The following ANGPT1 variants were observed in gnomAD, a reference collection of about 807,000 sequenced individuals.
The protein encoded by ANGPT1 is angiopoietin 1.
ANGPT1 carries 17 observed loss-of-function variants against 62.2 expected under a neutral mutation model. That is an observed-to-expected ratio of 0.27 (90% confidence interval 0.19 to 0.41). The LOEUF is 0.41. Ranked by LOEUF, ANGPT1 falls within the 10% of genes least tolerant of loss-of-function variation. The pLI is 1.00. For missense variants in ANGPT1, 478 were observed against 594.9 expected (o/e 0.80, Z 2.04); for synonymous variants, 199 against 198.9 (o/e 1.00, Z 0.00).
At chr8:107,299,422 A>ATATATATATATAT (rs1281291162) in intron 5 of ANGPT1, among the ~76,000 whole-genome samples, 1 of 116,148 alleles carries the variant, frequency 8.6e-6, no homozygotes. Flanking sequence ...TATATATATA[A>ATATATATATATAT]ACATACATAT....
intron 7 of ANGPT1, among the ~76,000 whole-genome samples, chr8:107,280,292 C>T (rs1053330174): frequency 2.0e-5 from 3 of 151,986 alleles, no homozygotes; most frequent in East Asian, 3.9e-4. Flanking sequence ...CCTCCACCTC[C>T]GGGGTTCAAG....
chr8:107,371,170 A>G (rs986834851), intron 1 of ANGPT1, among the ~76,000 whole-genome samples: 2 of 152,300 alleles, frequency 1.3e-5, no homozygotes, highest in Non-Finnish European at 1.5e-5. Context: ...AGGCTGGAAA[A>G]GGAAAAGGAA....
chr8:107,484,751 A>G (rs1458753271), intron 1 of ANGPT1, among the ~76,000 whole-genome samples: 1 of 152,200 alleles, frequency 6.6e-6, no homozygotes, highest in Non-Finnish European at 1.5e-5. Flanking sequence ...TCCAGTATCT[A>G]TTGCTCTCTT....
At chr8:107,345,623 G>A (rs1416045844) in intron 2 of ANGPT1, among the ~76,000 whole-genome samples, 1 of 152,166 alleles carries the variant, frequency 6.6e-6, no homozygotes, top group Admixed American at 6.5e-5. Context: ...AGAGTATTTT[G>A]TAGGAGAGGG....
chr8:107,353,687 C>A (rs1027771384), intron 1 of ANGPT1, among the ~76,000 whole-genome samples: 1 of 152,216 alleles, frequency 6.6e-6, no homozygotes, highest in Admixed American at 6.5e-5. Context: ...AGGCTTATCA[C>A]CCCCTGTGTC....
chr8:107,370,928 T>C (rs926903226), intron 1 of ANGPT1, among the ~76,000 whole-genome samples: 1 of 150,662 alleles, frequency 6.6e-6, no homozygotes, highest in Non-Finnish European at 1.5e-5. Flanking sequence ...ATGGTGTCAA[T>C]AGACTTGCTC....
intron 6 of ANGPT1, among the ~76,000 whole-genome samples, chr8:107,293,098 TTAAAA>T: frequency 6.6e-6 from 1 of 152,278 alleles, no homozygotes; most frequent in South Asian, 2.1e-4. Context: ...CTGTTTCCTT[TTAAAA>T]TGGGCATAGT....
intron 2 of ANGPT1, among the ~76,000 whole-genome samples, chr8:107,338,876 C>A (rs1815632996): frequency 6.6e-6 from 1 of 152,124 alleles, no homozygotes; most frequent in Non-Finnish European, 1.5e-5. Context: ...CAAAGCTTGG[C>A]ACAGAGACAA....
chr8:107,447,722 A>G (rs924290793), intron 1 of ANGPT1, among the ~76,000 whole-genome samples: 1 of 152,192 alleles, frequency 6.6e-6, no homozygotes, highest in Non-Finnish European at 1.5e-5. Flanking sequence ...TGGCTTTCCA[A>G]TGAGGCTCCT....
At chr8:107,411,143 T>C (rs1485523788) in intron 1 of ANGPT1, among the ~76,000 whole-genome samples, 1 of 152,110 alleles carries the variant, frequency 6.6e-6, no homozygotes. Context: ...GCTATTTTTG[T>C]TTTTGTCCAA....
chr8:107,420,072 C>A (rs1217817338), intron 1 of ANGPT1, among the ~76,000 whole-genome samples: 1 of 152,134 alleles, frequency 6.6e-6, no homozygotes, highest in Non-Finnish European at 1.5e-5. Flanking sequence ...TACCATGAAG[C>A]TTTTACAGAA....
At chr8:107,467,552 A>T (rs1164614629) in intron 1 of ANGPT1, among the ~76,000 whole-genome samples, 6 of 152,098 alleles carry the variant, frequency 3.9e-5, no homozygotes, top group African/African-American at 1.4e-4. Flanking sequence ...CAGTGGTATG[A>T]TAAAGCTACT....
In ANGPT1 at chr8:107,346,899, A is replaced by G. The variant is rs372578603; in HGVS notation, c.453+43T>C. ...ATGGAGAAAGCTAAAGAAAAAAAAA[A>G]TTTTTCCTTGTTGAGTCTGTGGACT... On this transcript the variant is annotated intron_variant, in intron 2 of 8. Coordinates refer to ENST00000517746, the MANE Select transcript of ANGPT1 (RefSeq NM_001146.5). 1.8e-4 allele frequency: 276 copies of G among 1,534,340 alleles called. No individual in the cohort carries two copies. The African/African-American group carries it at 3.3e-3, about 18-fold the overall frequency.
At chr8:107,324,221 G>A (rs1329491637) in intron 3 of ANGPT1, among the ~76,000 whole-genome samples, 4 of 122,510 alleles carry the variant, frequency 3.3e-5, no homozygotes, top group Non-Finnish European at 6.7e-5. Context: ...ATATATGTGT[G>A]TGTGTGTGTG....
chr8:107,269,696 T>A (rs888483212), intron 7 of ANGPT1, among the ~76,000 whole-genome samples: 2 of 151,658 alleles, frequency 1.3e-5, no homozygotes, highest in African/African-American at 4.8e-5. Flanking sequence ...GGGACAGACA[T>A]AAGGAAGCTG....
At chr8:107,430,858 A>G (rs1347442278) in intron 1 of ANGPT1, among the ~76,000 whole-genome samples, 2 of 152,250 alleles carry the variant, frequency 1.3e-5, no homozygotes, top group Non-Finnish European at 2.9e-5. Flanking sequence ...ATGAAACAGC[A>G]ATACAGTCTG....
intron 1 of ANGPT1, among the ~76,000 whole-genome samples, chr8:107,484,701 G>A (rs1331674611): frequency 6.6e-6 from 1 of 152,170 alleles, no homozygotes. Flanking sequence ...TACTGTGTCT[G>A]GCAGAAAAGT....
At chr8:107,409,709 T>C (rs1817223044) in intron 1 of ANGPT1, among the ~76,000 whole-genome samples, 3 of 131,220 alleles carry the variant, frequency 2.3e-5, no homozygotes, top group African/African-American at 5.1e-5. Flanking sequence ...CATTTTCATA[T>C]GAAAAATGCC....
intron 1 of ANGPT1, among the ~76,000 whole-genome samples, chr8:107,386,576 GAA>G (rs1166750916): frequency 2.6e-5 from 4 of 152,046 alleles, no homozygotes; most frequent in Non-Finnish European, 4.4e-5. Flanking sequence ...ACATAGGTTA[GAA>G]ATAAGCCAAC....
Sources: gnomAD v4.1 joint callset for allele counts (sites outside exome capture counted in the v4.1 genomes callset) on GRCh38, gnomAD v4.1.1 for gene constraint, MANE v1.5 for transcripts, NCBI Gene and HGNC (gene_info 2026-07-23, HGNC 2026-07-21) for gene names.